IQCM: variants seen among roughly 807,000 people sequenced by gnomAD.
IQCM encodes IQ motif containing M.
Under a neutral mutation model 57.6 loss-of-function variants are expected in IQCM, and 45 were observed. The ratio of observed to expected loss-of-function variants is 0.78; its 90% confidence interval spans 0.62 to 1.00. IQCM has a LOEUF of 1.00. Ranked by LOEUF, IQCM falls within the 50% of genes least tolerant of loss-of-function variation. The pLI, the probability that IQCM is intolerant of heterozygous loss-of-function variation, is 0.00. For missense variants in IQCM, 468 were observed against 511.6 expected (o/e 0.91, Z 0.82); for synonymous variants, 148 against 158.9 (o/e 0.93, Z 0.51).
At chr4:149,535,712 C>A (rs1747224021) in intron 12 of IQCM, among the ~76,000 whole-genome samples, 1 of 152,078 alleles carries the variant, frequency 6.6e-6, no homozygotes, top group South Asian at 2.1e-4. Context: ...GCTTACATAA[C>A]AATGGCACAA....
rs1022231050 is a variant in IQCM, at chr4:149,570,222, A to G, written c.750-6332T>C. Among the ~76,000 whole-genome samples, 13 of 152,212 alleles carry G rather than the reference A, an allele frequency of 8.5e-5. No homozygotes were observed. In the East Asian group the frequency reaches 1.5e-3, roughly 18 times the overall value. The stretch of plus-strand genomic sequence containing the variant: ...AGAAGTATTTATTTACAAAGTTTTA[A>G]TAAGAATTGATACTTTTTTCTATCA... On this transcript the variant is annotated intron_variant, in intron 9 of 13. Coordinates refer to ENST00000636793, the MANE Select transcript of IQCM (RefSeq NM_001363507.2).
intron 12 of IQCM, among the ~76,000 whole-genome samples, chr4:149,435,185 A>C (rs2111288033): frequency 6.6e-6 from 1 of 152,304 alleles, no homozygotes; most frequent in African/African-American, 2.4e-5. Context: ...CTACTATATT[A>C]GACTTTTCCT....
At chr4:149,486,225 T>G (rs1320435873) in intron 12 of IQCM, among the ~76,000 whole-genome samples, 1 of 152,108 alleles carries the variant, frequency 6.6e-6, no homozygotes, top group Non-Finnish European at 1.5e-5. Context: ...TTCCAGGCCC[T>G]GGGTGTGTCC....
intron 7 of IQCM, among the ~76,000 whole-genome samples, chr4:149,631,355 T>C (rs1757247654): frequency 6.6e-6 from 1 of 152,198 alleles, no homozygotes; most frequent in South Asian, 2.1e-4. Context: ...TGCTAAGTAC[T>C]GTGAGACCCT....
intron 12 of IQCM, among the ~76,000 whole-genome samples, chr4:149,506,744 T>C (rs932897125): frequency 3.3e-5 from 5 of 152,190 alleles, no homozygotes; most frequent in Non-Finnish European, 5.9e-5. Flanking sequence ...ACATCTGTTA[T>C]GACAGACAGC....
At chr4:149,689,813 C>T (rs1467206911) in intron 5 of IQCM, among the ~76,000 whole-genome samples, 1 of 151,964 alleles carries the variant, frequency 6.6e-6, no homozygotes, top group Admixed American at 6.6e-5. Context: ...AAATGCCCAA[C>T]AAACATATGA....
intron 5 of IQCM, among the ~76,000 whole-genome samples, chr4:149,695,867 G>A (rs1195227913): frequency 1.3e-5 from 2 of 152,052 alleles, no homozygotes; most frequent in East Asian, 1.9e-4. Context: ...TGAAGTAGGA[G>A]GTAAGGTCAT....
Position 149,740,362 on chromosome 4 carries a change from ATAAG to A in IQCM, c.37+2289_37+2292del, listed in dbSNP as rs532640814. Among the ~76,000 whole-genome samples the A allele has an allele frequency of 5.9e-5, 9 of 152,292 alleles. No individual in the cohort carries two copies. The South Asian group carries it at 1.9e-3, about 32-fold the overall frequency. ...CTGTTTTGATGCTAAATGTGCTAAA[ATAAG>A]TAAGACTAGCTATTTCTGTCTTCCA... On this transcript the variant is annotated intron_variant, in intron 3 of 13. Transcript: ENST00000636793.
intron 12 of IQCM, among the ~76,000 whole-genome samples, chr4:149,484,716 T>C (rs1358038515): frequency 6.6e-6 from 1 of 152,094 alleles, no homozygotes; most frequent in Admixed American, 6.6e-5. Flanking sequence ...TTGGTATTTC[T>C]ACTTAAGACA....
chr4:149,571,684 A>T (rs1424170132), intron 9 of IQCM, among the ~76,000 whole-genome samples: 1 of 152,150 alleles, frequency 6.6e-6, no homozygotes, highest in Non-Finnish European at 1.5e-5. Context: ...GCACATGTTA[A>T]TTAGCTCGAT....
chr4:149,605,035 T>C (rs1315933279), intron 8 of IQCM, among the ~76,000 whole-genome samples: 1 of 152,238 alleles, frequency 6.6e-6, no homozygotes, highest in African/African-American at 2.4e-5. Context: ...ACAATGCCTA[T>C]GTTGACACAA....
intron 13 of IQCM, among the ~76,000 whole-genome samples, chr4:149,386,340 A>G (rs899320295): frequency 1.3e-5 from 2 of 152,098 alleles, no homozygotes; most frequent in Non-Finnish European, 2.9e-5. Context: ...TTTTTCAAAC[A>G]CAAAGTATAG....
At chr4:149,790,625 TA>T (rs933378734) in intron 2 of IQCM, among the ~76,000 whole-genome samples, 150 of 152,280 alleles carry the variant, frequency 9.9e-4, no homozygotes, top group Admixed American at 1.9e-3. Flanking sequence ...ACTGGTTGTA[TA>T]AAAAAACTGT....
chr4:149,514,694 T>C (rs1268228668), intron 12 of IQCM: 4 of 152,308 alleles, frequency 2.6e-5, no homozygotes, highest in Non-Finnish European at 5.9e-5. Flanking sequence ...TAATACTGAG[T>C]GTCAACTCGA....
chr4:149,608,432 G>A (rs1300434007), intron 8 of IQCM, among the ~76,000 whole-genome samples: 1 of 151,790 alleles, frequency 6.6e-6, no homozygotes, highest in Non-Finnish European at 1.5e-5. Flanking sequence ...GATATTTATG[G>A]AATATTTTAT....
At chr4:149,794,635 A>G (rs1248604331) in intron 2 of IQCM, among the ~76,000 whole-genome samples, 1 of 152,232 alleles carries the variant, frequency 6.6e-6, no homozygotes, top group African/African-American at 2.4e-5. Context: ...TGGTGCATTC[A>G]TATAATAATA....
At chr4:149,799,238 G>A (rs147298541) in intron 2 of IQCM, among the ~76,000 whole-genome samples, 3 of 151,576 alleles carry the variant, frequency 2.0e-5, no homozygotes, top group Admixed American at 2.0e-4. Context: ...ATATGCTCCT[G>A]AAAGACCAGT....
chr4:149,378,582 A>C (rs1484261826), intron 13 of IQCM, among the ~76,000 whole-genome samples: 1 of 152,132 alleles, frequency 6.6e-6, no homozygotes, highest in Non-Finnish European at 1.5e-5. Context: ...AACTTGAGAG[A>C]GAGAACTTAG....
chr4:149,382,992 C>CAA (rs202088268), intron 13 of IQCM, among the ~76,000 whole-genome samples: 18 of 103,972 alleles, frequency 1.7e-4, no homozygotes, highest in African/African-American at 4.6e-4. Flanking sequence ...TATTCTTCAG[C>CAA]AAAAAAAAAA....
Sources: gnomAD v4.1 joint callset for allele counts (sites outside exome capture counted in the v4.1 genomes callset) on GRCh38, gnomAD v4.1.1 for gene constraint, MANE v1.5 for transcripts, NCBI Gene and HGNC (gene_info 2026-07-23, HGNC 2026-07-21) for gene names.